RALGPS1: variants seen among roughly 807,000 people sequenced by gnomAD.
RALGPS1 encodes Ral GEF with PH domain and SH3 binding motif 1, also known as ras-specific guanine nucleotide-releasing factor RalGPS1.
RALGPS1 carries 19 observed loss-of-function variants against 78.8 expected under a neutral mutation model. The observed-to-expected ratio is 0.24, with a 90% CI of 0.17 to 0.35. The LOEUF is 0.35. RALGPS1 is among the 10% of genes least tolerant of loss of function. The pLI is 1.00. For synonymous variants in RALGPS1, 228 were observed against 256.3 expected (o/e 0.89, Z 1.06); for missense variants, 454 against 688.3 (o/e 0.66, Z 3.81).
intron 8 of RALGPS1, among the ~76,000 whole-genome samples, chr9:127,098,316 T>C (rs758489221): frequency 1.3e-5 from 2 of 152,186 alleles, no homozygotes; most frequent in Non-Finnish European, 2.9e-5. Context: ...TTGGCGCCCC[T>C]TCTGAGAGGG....
intron 8 of RALGPS1, among the ~76,000 whole-genome samples, chr9:127,081,890 C>T (rs1311036502): frequency 6.6e-6 from 1 of 152,246 alleles, no homozygotes; most frequent in Non-Finnish European, 1.5e-5. Flanking sequence ...TGTGGGAATG[C>T]CACGCAGATG....
chr9:126,966,512 C>G (rs2039506824), intron 3 of RALGPS1, among the ~76,000 whole-genome samples: 1 of 145,078 alleles, frequency 6.9e-6, no homozygotes, highest in African/African-American at 2.6e-5. Context: ...CAGAGGAAAA[C>G]CCTGTCTCAA....
intron 8 of RALGPS1, chr9:127,108,513 G>T: frequency 1.2e-6 from 2 of 1,612,974 alleles, no homozygotes; most frequent in Middle Eastern, 1.7e-4. Flanking sequence ...CAGGCTCCTT[G>T]GAGTTGACGC....
At chr9:127,025,420 G>T (rs2045882995) in intron 4 of RALGPS1, among the ~76,000 whole-genome samples, 1 of 152,294 alleles carries the variant, frequency 6.6e-6, no homozygotes. Flanking sequence ...CAATGGGATT[G>T]CTGGGCCTAC....
At chr9:127,162,582 G>C (rs1216719727) in intron 8 of RALGPS1, among the ~76,000 whole-genome samples, 1 of 152,162 alleles carries the variant, frequency 6.6e-6, no homozygotes, top group East Asian at 1.9e-4. Flanking sequence ...GAGCCAGGAG[G>C]CTTCCTTTTG....
At chr9:127,214,954 T>A in intron 18 of RALGPS1, 112 bp downstream of exon 18, 1 of 1,528,190 alleles carries the variant, frequency 6.5e-7, no homozygotes, top group South Asian at 1.2e-5. Flanking sequence ...TTAGCCACAC[T>A]CTCAGATACC....
intron 4 of RALGPS1, among the ~76,000 whole-genome samples, chr9:126,979,951 C>A (rs1252400730): frequency 6.6e-6 from 1 of 152,118 alleles, no homozygotes; most frequent in Non-Finnish European, 1.5e-5. Context: ...ACCTAATCAG[C>A]CCTATTTTGT....
At chr9:127,014,337 C>G (rs1361029433) in intron 4 of RALGPS1, among the ~76,000 whole-genome samples, 1 of 152,180 alleles carries the variant, frequency 6.6e-6, no homozygotes. Flanking sequence ...AAGAGCCATT[C>G]CTCTTGGTCT....
At chr9:127,019,829 A>G (rs2045273877) in intron 4 of RALGPS1, among the ~76,000 whole-genome samples, 1 of 152,118 alleles carries the variant, frequency 6.6e-6, no homozygotes, top group African/African-American at 2.4e-5. Flanking sequence ...TTGTTGTTTC[A>G]AATTTCAATT....
chr9:127,117,865 C>T (rs1459977145), intron 8 of RALGPS1, among the ~76,000 whole-genome samples: 1 of 152,220 alleles, frequency 6.6e-6, no homozygotes, highest in African/African-American at 2.4e-5. Flanking sequence ...GGTCCTCAGG[C>T]ATCTCTTGAA....
At chr9:127,202,988 C>T (rs1408861289) in intron 14 of RALGPS1, among the ~76,000 whole-genome samples, 1 of 152,188 alleles carries the variant, frequency 6.6e-6, no homozygotes, top group South Asian at 2.1e-4. Flanking sequence ...ACCTCGGGCC[C>T]CTTGGAAACC....
intron 4 of RALGPS1, among the ~76,000 whole-genome samples, chr9:126,988,707 G>A (rs2042018677): frequency 1.3e-5 from 2 of 152,202 alleles, no homozygotes. Flanking sequence ...AGGCAAGGTG[G>A]TCACACTGGA....
At chr9:127,075,085 G>GC (rs946774690) in intron 8 of RALGPS1, among the ~76,000 whole-genome samples, 4 of 152,200 alleles carry the variant, frequency 2.6e-5, no homozygotes, top group African/African-American at 9.7e-5. Flanking sequence ...GACAGATGCA[G>GC]CCCCCCATGT....
At chr9:127,098,927 A>C (rs140133099) in intron 8 of RALGPS1, among the ~76,000 whole-genome samples, 37 of 152,328 alleles carry the variant, frequency 2.4e-4, no homozygotes, top group African/African-American at 7.7e-4. Context: ...ATGGGCTCAC[A>C]AACTGCATCA....
chr9:126,945,755 G>A (rs896171375), intron 1 of RALGPS1, among the ~76,000 whole-genome samples: 1 of 152,164 alleles, frequency 6.6e-6, no homozygotes, highest in African/African-American at 2.4e-5. Context: ...ATCCCAAGTG[G>A]TTCTGCAGTA....
rs373344766 is a variant in RALGPS1, at chr9:127,060,655, G to T, written c.483+7716G>T. On this transcript the variant is annotated intron_variant, in intron 7 of 18. Transcript: ENST00000259351. Reference sequence around the variant, plus strand: ...CTGAACTGTCATCCTCTTTCAGCTGGTCCCATTGCTTTGGGACTTGCTGTC... The same window carrying T: ...CTGAACTGTCATCCTCTTTCAGCTGTTCCCATTGCTTTGGGACTTGCTGTC... Among the ~76,000 whole-genome samples, 82 of 152,186 alleles carry T rather than the reference G, an allele frequency of 5.4e-4. 2 individuals carry two copies. The South Asian group carries it at 0.017, about 31-fold the overall frequency.
chr9:127,038,294 GAGAT>G (rs1197312238), intron 5 of RALGPS1, among the ~76,000 whole-genome samples: 1 of 152,204 alleles, frequency 6.6e-6, no homozygotes, highest in Non-Finnish European at 1.5e-5. Context: ...CGTGCCTAAT[GAGAT>G]AGATATTTTA....
rs116328593 is a variant in RALGPS1 at position 126,929,759 on chromosome 9, C to T, written c.-66+14784C>T. On this transcript the variant is annotated intron_variant, in intron 1 of 18. Transcript: ENST00000259351. ...GATTACAGGTGTGAGCCACTGTGCC[C>T]GACTGATACAAATTTTTATTGCCAC... 5.9e-5 allele frequency among the ~76,000 whole-genome samples: 9 copies of T among 152,128 alleles called. No homozygotes were observed. The South Asian group carries it at 8.3e-4, about 14-fold the overall frequency.
intron 1 of RALGPS1, among the ~76,000 whole-genome samples, chr9:126,952,023 A>G (rs1022734714): frequency 1.1e-4 from 17 of 152,244 alleles, no homozygotes; most frequent in African/African-American, 2.4e-4. Flanking sequence ...TTATACACCA[A>G]TAACAAACAG....
Sources: gnomAD v4.1 joint callset for allele counts (sites outside exome capture counted in the v4.1 genomes callset) on GRCh38, gnomAD v4.1.1 for gene constraint, MANE v1.5 for transcripts, NCBI Gene and HGNC (gene_info 2026-07-23, HGNC 2026-07-21) for gene names.